The following NDUFAF6 variants were observed in gnomAD, a reference collection of about 807,000 sequenced individuals.
NDUFAF6 encodes NADH:ubiquinone oxidoreductase complex assembly factor 6.
A neutral mutation model predicts 40.8 loss-of-function variants in NDUFAF6; 45 were observed. The observed-to-expected ratio is 1.10, with a 90% CI of 0.87 to 1.42. The LOEUF (loss-of-function observed/expected upper bound fraction) is 1.42. Ranked by LOEUF, NDUFAF6 falls within the 40% of genes most tolerant of loss-of-function variation. NDUFAF6 has a pLI of 0.00. For synonymous variants in NDUFAF6, 185 were observed against 155.9 expected (o/e 1.19, Z -1.39); for missense variants, 435 against 418.5 (o/e 1.04, Z -0.34).
downstream of NDUFAF6, among the ~76,000 whole-genome samples, chr8:95,076,873 C>CAAAA (rs35168202): frequency 5.4e-5 from 7 of 128,968 alleles, no homozygotes; most frequent in Non-Finnish European, 4.8e-5. Flanking sequence ...AACTCCGTCT[C>CAAAA]AAAAAAAAAA....
At chr8:95,100,842 G>A (rs1174765364) in intron 1 of NDUFAF6, among the ~76,000 whole-genome samples, 1 of 152,044 alleles carries the variant, frequency 6.6e-6, no homozygotes, top group Non-Finnish European at 1.5e-5. Context: ...CTTTCAGTTG[G>A]ACAAACCAAA....
At chr8:94,940,719 A>G (rs1377629119) in intron 1 of NDUFAF6, 3 of 719,494 alleles carry the variant, frequency 4.2e-6, no homozygotes, top group South Asian at 3.9e-5. Context: ...ACTCCTGCTT[A>G]CTTTTAAGGC....
chr8:95,075,232 A>G (rs1321825651), intron 9 of NDUFAF6, among the ~76,000 whole-genome samples: 4 of 152,262 alleles, frequency 2.6e-5, no homozygotes, highest in Admixed American at 6.5e-5. Context: ...TTTCTAAACC[A>G]TGGACACAAG....
intron 4 of NDUFAF6, among the ~76,000 whole-genome samples, chr8:95,109,371 T>C (rs1035583049): frequency 1.3e-5 from 2 of 152,234 alleles, no homozygotes; most frequent in African/African-American, 4.8e-5. Flanking sequence ...TATCCAGAGA[T>C]GTCTGTAAGG....
chr8:95,095,417 C>A (rs1809424267), upstream of NDUFAF6, among the ~76,000 whole-genome samples: 1 of 152,104 alleles, frequency 6.6e-6, no homozygotes, highest in Admixed American at 6.6e-5. Context: ...CTCTCTGTGC[C>A]CAGTGGCCTC....
chr8:95,059,694 C>T (rs922602464), downstream of NDUFAF6, among the ~76,000 whole-genome samples: 1 of 152,098 alleles, frequency 6.6e-6, no homozygotes, highest in East Asian at 1.9e-4. Context: ...ACTTAAAATA[C>T]AAAAATCAGC....
chr8:94,902,693 C>CTTTTT (rs35185664), intron 1 of NDUFAF6, among the ~76,000 whole-genome samples: 4 of 121,552 alleles, frequency 3.3e-5, no homozygotes, highest in Non-Finnish European at 5.0e-5. Context: ...TGTGGACATA[C>CTTTTT]TTTTTTTTTT....
exon 6 of NDUFAF6, chr8:95,116,416 G>A (rs1215390627): frequency 6.6e-6 from 1 of 152,096 alleles, no homozygotes; most frequent in African/African-American, 2.4e-5. Flanking sequence ...GCAGTGGTGC[G>A]ATCATGGCTC....
intron 6 of NDUFAF6, among the ~76,000 whole-genome samples, chr8:95,047,889 A>G (rs1345820953): frequency 6.6e-6 from 1 of 151,734 alleles, no homozygotes; most frequent in Non-Finnish European, 1.5e-5. Flanking sequence ...GTATATTTTC[A>G]TTCTACCTAC....
intron 1 of NDUFAF6, among the ~76,000 whole-genome samples, chr8:94,932,311 A>G (rs1007943497): frequency 6.6e-6 from 1 of 152,246 alleles, no homozygotes; most frequent in Non-Finnish European, 1.5e-5. Flanking sequence ...TATACCCTGA[A>G]GCCCACTGTA....
chr8:95,060,968 G>A (rs976849986), downstream of NDUFAF6, among the ~76,000 whole-genome samples: 9 of 152,076 alleles, frequency 5.9e-5, no homozygotes, highest in African/African-American at 2.2e-4. Flanking sequence ...ATGCTTCACC[G>A]GCTTGGCAGT....
At chr8:95,015,643 T>C (rs956978836) in intron 2 of NDUFAF6, among the ~76,000 whole-genome samples, 5 of 152,244 alleles carry the variant, frequency 3.3e-5, no homozygotes, top group African/African-American at 7.2e-5. Context: ...TTCATATTGA[T>C]AGGCACTGTG....
chr8:95,089,554 T>C (rs1173948198), intron 2 of NDUFAF6, among the ~76,000 whole-genome samples: 1 of 152,064 alleles, frequency 6.6e-6, no homozygotes, highest in Non-Finnish European at 1.5e-5. Flanking sequence ...AACCTCAGAG[T>C]TTTACAGAGT....
chr8:95,025,476 T>C (rs1336185397), intron 1 of NDUFAF6, among the ~76,000 whole-genome samples: 1 of 152,210 alleles, frequency 6.6e-6, no homozygotes, highest in East Asian at 1.9e-4. Flanking sequence ...GAATTCAGCG[T>C]TTTTGCATGA....
intron 1 of NDUFAF6, chr8:94,939,585 A>G: frequency 2.7e-6 from 1 of 376,266 alleles, no homozygotes; most frequent in South Asian, 2.3e-5. Flanking sequence ...TTTTGTACAG[A>G]CGGGGTTTCA....
intron 1 of NDUFAF6, among the ~76,000 whole-genome samples, chr8:94,902,693 C>T (rs1301957200): frequency 4.9e-5 from 6 of 121,520 alleles, no homozygotes; most frequent in Admixed American, 8.9e-5. Context: ...TGTGGACATA[C>T]TTTTTTTTTT....
At chr8:94,912,974 T>G (rs144422360) in intron 1 of NDUFAF6, among the ~76,000 whole-genome samples, 1 of 152,152 alleles carries the variant, frequency 6.6e-6, no homozygotes, top group Admixed American at 6.5e-5. Context: ...CGAGACTCCA[T>G]CTCAATCAAT....
intron 1 of NDUFAF6, chr8:94,896,459 C>T (rs530053964): frequency 6.6e-6 from 1 of 152,430 alleles, no homozygotes; most frequent in South Asian, 2.1e-4. Context: ...CACCCCAAAA[C>T]TGCACATCGT....
At chr8:95,055,572 A>G (rs1832021371) in intron 8 of NDUFAF6, among the ~76,000 whole-genome samples, 1 of 152,204 alleles carries the variant, frequency 6.6e-6, no homozygotes, top group Non-Finnish European at 1.5e-5. Context: ...AAATTAGCAT[A>G]ATTCTTACAG....
Sources: allele counts gnomAD v4.1 joint callset (sites outside exome capture counted in the v4.1 genomes callset), GRCh38; gene constraint gnomAD v4.1.1; transcripts MANE v1.5; gene names NCBI Gene and HGNC (gene_info 2026-07-23, HGNC 2026-07-21).